Variants in ARHGAP23 observed in about 807,000 individuals in gnomAD.
The protein encoded by ARHGAP23 is rho GTPase-activating protein 23.
In ARHGAP23, 34 loss-of-function variants were observed where a neutral mutation model predicts 136.3. The ratio of observed to expected loss-of-function variants is 0.25; its 90% CI spans 0.19 to 0.33. The LOEUF is 0.33. ARHGAP23 is among the 10% of genes least tolerant of loss of function. ARHGAP23 has a pLI of 1.00. For missense variants in ARHGAP23, 1,808 were observed against 2,139.0 expected (o/e 0.85, Z 3.05); for synonymous variants, 832 against 920.5 (o/e 0.90, Z 1.74).
At chr17:38,435,060 A>C (rs781214972) in intron 1 of ARHGAP23, among the ~76,000 whole-genome samples, 14 of 152,304 alleles carry the variant, frequency 9.2e-5, no homozygotes, top group Admixed American at 2.6e-4. Flanking sequence ...CTTCAGCTGG[A>C]GGAATATCAG....
At chr17:38,492,780 T>C (rs1224742613) in intron 20 of ARHGAP23, among the ~76,000 whole-genome samples, 1 of 152,222 alleles carries the variant, frequency 6.6e-6, no homozygotes, top group East Asian at 1.9e-4. Flanking sequence ...CAGAGCTGTC[T>C]GGGAGGCCAG....
chr17:38,428,397 C>T (rs1311938015), upstream of ARHGAP23: 3 of 530,376 alleles, frequency 5.7e-6, no homozygotes, highest in South Asian at 7.9e-5. Flanking sequence ...CCCCACACCG[C>T]GCTCGGCCCC....
chr17:38,437,943 T>A (rs1482653079), intron 1 of ARHGAP23, among the ~76,000 whole-genome samples: 1 of 152,180 alleles, frequency 6.6e-6, no homozygotes, highest in African/African-American at 2.4e-5. Context: ...TAAACATGGC[T>A]GAGCCCCTGC....
chr17:38,459,457 G>A lies in ARHGAP23; in HGVS notation c.225+1194G>A, dbSNP rs1267019930. Among the ~76,000 whole-genome samples the A allele has an allele frequency of 3.9e-5, 6 of 152,184 alleles. No individual in the cohort carries two copies. The East Asian group carries it at 5.8e-4, about 15-fold the overall frequency. On this transcript the variant is annotated intron_variant, in intron 2 of 23. Coordinates refer to ENST00000622683, the MANE Select transcript of ARHGAP23 (RefSeq NM_001199417.2). ...GCTGTGCTGAAGAACATAAGTGGGGGCTGATGGAGTGTGGAGGGGGCACAG... is the reference window on the plus strand; with the variant it reads ...GCTGTGCTGAAGAACATAAGTGGGGACTGATGGAGTGTGGAGGGGGCACAG...
intron 19 of ARHGAP23, 120 bp from the exon 20 acceptor site, chr17:38,491,287 T>C: frequency 1.5e-6 from 2 of 1,336,838 alleles, no homozygotes; most frequent in Admixed American, 2.2e-5. Context: ...TACAAGGGGG[T>C]GTCCACCCTC....
chr17:38,474,412 G>A (rs894321529), intron 11 of ARHGAP23, among the ~76,000 whole-genome samples: 1 of 152,164 alleles, frequency 6.6e-6, no homozygotes, highest in African/African-American at 2.4e-5. Flanking sequence ...AGGGCTTGCC[G>A]GCTGCTGGGA....
intron 6 of ARHGAP23, among the ~76,000 whole-genome samples, chr17:38,465,079 G>C (rs1003624443): frequency 5.9e-5 from 9 of 151,878 alleles, no homozygotes; most frequent in Admixed American, 3.9e-4. Context: ...GTGGTCAGTG[G>C]CGGGGTTAGC....
chr17:38,460,821 A>G, intron 2 of ARHGAP23, 84 bp from the exon 3 acceptor site: 1 of 1,535,686 alleles, frequency 6.5e-7, no homozygotes, highest in Non-Finnish European at 8.7e-7. Context: ...GGGAACCTGA[A>G]GGGGCCCTGC....
In ARHGAP23 at chr17:38,490,113, G is replaced by A. The variant is rs1398149710; in HGVS notation, c.2998G>A (p.Asp1000Asn). The change falls in exon 18 of 24, where the codon GAC becomes AAC. Residue 1000 changes from aspartate (D) to asparagine (N), a missense_variant. Transcript: ENST00000622683. ...EPLFTDDKYN[D>N]FIEANRIEDA... ...CCGCTGTGTTCTAGACAAATACAACGACTTCATCGAGGCCAACCGCATTGA... is the reference window on the plus strand; with the variant it reads ...CCGCTGTGTTCTAGACAAATACAACAACTTCATCGAGGCCAACCGCATTGA... The A allele has an allele frequency of 1.1e-5, 17 of 1,551,586 alleles. No individual in the cohort carries two copies. The highest frequency in any genetic ancestry group is 9.8e-5 in the East Asian group (4 of 40,940).
chr17:38,425,779 G>A (rs1238472688), upstream of ARHGAP23, among the ~76,000 whole-genome samples: 3 of 152,144 alleles, frequency 2.0e-5, no homozygotes, highest in Non-Finnish European at 2.9e-5. Flanking sequence ...CGGATGGAGA[G>A]GAAGGTGAGG....
Position 38,510,744 on chromosome 17 carries a change from C to T in ARHGAP23, c.4248C>T (p.Asp1416=), listed in dbSNP as rs1379218529. 2.0e-6 allele frequency: 3 copies of T among 1,483,890 alleles called. No individual in the cohort carries two copies. Among genetic ancestry groups the T allele is most frequent in the Non-Finnish European group, 2.7e-6 (3 of 1,120,004 alleles). The allele number at this position is 1,483,890 out of a possible 1,614,324, so 91.9% of individuals were successfully genotyped here. Residue 1416 remains aspartate, a synonymous_variant, in exon 24 of 24, where the codon GAC becomes GAT. Coordinates refer to ENST00000622683, the MANE Select transcript of ARHGAP23 (RefSeq NM_001199417.2). The surrounding 1 kb of genome is among the most constrained non-coding windows in gnomAD (Gnocchi z 4.6). ...HTVVVQSPLT[D]LNFNEWKELG... ...TGGTGGTGCAGAGCCCGCTGACTGA[C>T]CTCAACTTCAACGAGTGGAAGGAGC...
intron 23 of ARHGAP23, 33 bp downstream of exon 23, chr17:38,500,661 C>T (rs1337098524): frequency 6.5e-7 from 1 of 1,542,324 alleles, no homozygotes. Context: ...AGGCTTGATC[C>T]CTGTACAAGG....
chr17:38,510,149 C>A lies in ARHGAP23; in HGVS notation c.3653C>A (p.Pro1218His). ...GTQERPQGPL[P>H]GAVAPEAPGR... ...CAGGAGCGGCCGCAGGGGCCGCTGCCTGGCGCCGTCGCCCCCGAGGCCCCC... is the reference window on the plus strand; with the variant it reads ...CAGGAGCGGCCGCAGGGGCCGCTGCATGGCGCCGTCGCCCCCGAGGCCCCC... The change falls in exon 24 of 24, where the codon CCT (proline) becomes CAT (histidine). Residue 1218 changes from proline to histidine, a missense_variant. Transcript: ENST00000622683. The surrounding 1 kb of genome is among the most constrained non-coding windows in gnomAD (Gnocchi z 4.6). The A allele has an allele frequency of 7.8e-7, 1 of 1,281,222 alleles. No homozygotes were observed. Among genetic ancestry groups the A allele is most frequent in the Non-Finnish European group, 9.8e-7 (1 of 1,021,864 alleles). The allele number at this position is 1,281,222 out of a possible 1,614,324, so 79.4% of individuals were successfully genotyped here.
intron 22 of ARHGAP23, chr17:38,499,043 G>T: frequency 1.4e-6 from 1 of 694,450 alleles, no homozygotes. Context: ...AGAATGTCCC[G>T]GACTGTGAGG....
At chr17:38,471,281 G>C (rs1396824301) in intron 10 of ARHGAP23, among the ~76,000 whole-genome samples, 1 of 152,206 alleles carries the variant, frequency 6.6e-6, no homozygotes, top group East Asian at 1.9e-4. Flanking sequence ...TTTGATTATA[G>C]ATGGACTGGA....
rs1183588793 is a variant in ARHGAP23, at chr17:38,442,038, C to G, written c.63+13490C>G. On this transcript the variant is annotated intron_variant, in intron 1 of 23. Coordinates refer to ENST00000622683, the MANE Select transcript of ARHGAP23 (RefSeq NM_001199417.2). ...GTGGCACAACCATGGCTCACTGCAGCCTTGAACTCTTGGCTCAAGCAATCC... is the reference window on the plus strand; with the variant it reads ...GTGGCACAACCATGGCTCACTGCAGGCTTGAACTCTTGGCTCAAGCAATCC... Among the ~76,000 whole-genome samples, 3 of 152,282 alleles carry G rather than the reference C, an allele frequency of 2.0e-5. No individual in the cohort carries two copies. In the East Asian group the frequency reaches 5.8e-4, roughly 29 times the overall value.
intron 14 of ARHGAP23, 87 bp downstream of exon 14, chr17:38,479,970 T>C: frequency 6.6e-7 from 1 of 1,508,240 alleles, no homozygotes; most frequent in South Asian, 1.3e-5. Context: ...TTGGGCTGTG[T>C]CTGCTCATGT....
At chr17:38,490,232 G>A (rs2040245097) in intron 18 of ARHGAP23, 57 bp downstream of exon 18, 5 of 1,507,074 alleles carry the variant, frequency 3.3e-6, no homozygotes, top group Non-Finnish European at 3.6e-6. Context: ...GAGCACCTCT[G>A]TCCCAGGAGG....
rs1457826948 is a variant in ARHGAP23 at position 38,479,509 on chromosome 17, C to T, written c.2498+12C>T. On this transcript the variant is annotated intron_variant, in intron 13 of 23. Transcript: ENST00000622683. Reference sequence around the variant, plus strand: ...TATCGCAAAGTGAGGTGAGGCCCAGCCCTCGTGGAGCAGTCTCCTCTGTGG... The same window carrying T: ...TATCGCAAAGTGAGGTGAGGCCCAGTCCTCGTGGAGCAGTCTCCTCTGTGG... 3.9e-6 allele frequency: 6 copies of T among 1,547,546 alleles called. No individual in the cohort carries two copies. Among genetic ancestry groups the T allele is most frequent in the Non-Finnish European group, 5.2e-6 (6 of 1,145,156 alleles).
Sources: allele counts gnomAD v4.1 joint callset (sites outside exome capture counted in the v4.1 genomes callset), GRCh38; gene constraint gnomAD v4.1.1; non-coding constraint Gnocchi (gnomAD v3.1); transcripts MANE v1.5; gene names NCBI Gene and HGNC (gene_info 2026-07-23, HGNC 2026-07-21).